KISS1: variants seen among roughly 807,000 people sequenced by gnomAD.
KISS1 encodes the protein metastasis-suppressor KiSS-1.
For missense variants in KISS1, 182 were observed against 182.7 expected (o/e 1.00, Z 0.02); for synonymous variants, 97 against 88.7 (o/e 1.09, Z -0.52).
rs1658717266 is a variant in KISS1, at chr1:204,190,626, C to T, written c.275G>A (p.Arg92His). The change falls in exon 3 of 3, where the codon CGC (arginine) becomes CAC (histidine). Residue 92 changes from arginine to histidine, a missense_variant. By Grantham distance (29) the Arg-to-His change is conservative. Coordinates refer to ENST00000367194, the MANE Select transcript of KISS1 (RefSeq NM_002256.4). ...CGCGCCCTGGGGTGCGGGGATCTGGCGGCTGTGGGGGGCGGACAGGCCCGG... is the reference window on the plus strand; with the variant it reads ...CGCGCCCTGGGGTGCGGGGATCTGGTGGCTGTGGGGGGCGGACAGGCCCGG... ...QQPGLSAPHS[R>H]QIPAPQGAVL... The T allele has an allele frequency of 1.3e-6, 2 of 1,585,692 alleles. No homozygotes were observed. The highest frequency in any genetic ancestry group is 2.7e-5 in the African/African-American group (2 of 74,446).
chr1:204,195,467 A>ACCACACACAC (rs1658839843), intron 1 of KISS1, among the ~76,000 whole-genome samples: 1 of 148,786 alleles, frequency 6.7e-6, no homozygotes. Context: ...ACACACACAC[A>ACCACACACAC]TACACACATC....
chr1:204,194,220 AC>A (rs1658797245), intron 1 of KISS1, among the ~76,000 whole-genome samples: 3 of 152,054 alleles, frequency 2.0e-5, no homozygotes, highest in Admixed American at 2.0e-4. Flanking sequence ...TGAGCAAGTC[AC>A]CCCCATCTCC....
intron 1 of KISS1, 38 bp downstream of exon 1, chr1:204,196,338 G>A (rs1658857436): frequency 6.6e-6 from 1 of 152,408 alleles, no homozygotes; most frequent in Non-Finnish European, 1.5e-5. Flanking sequence ...GGTCAGGGCA[G>A]ACCCCCTTCC....
rs758721519 is a variant in KISS1 at position 204,190,700 on chromosome 1, C to G, written c.201G>C (p.Arg67=). 8 of 1,603,168 alleles carry G rather than the reference C, an allele frequency of 5.0e-6. No homozygotes were observed. The highest frequency in any genetic ancestry group is 4.3e-6 in the Non-Finnish European group (5 of 1,176,056). ...CGGGGGGCGGGGACAGCGAGGTCCC[C>G]CGACGGCTCAGCCTGGCAGTAGCAG... The part of the protein sequence containing the change: ...KPAATARLSR[R]GTSLSPPPES... Residue 67 remains arginine (R), a synonymous_variant, in exon 3 of 3, where the codon CGG becomes CGC. Coordinates refer to ENST00000367194, the MANE Select transcript of KISS1 (RefSeq NM_002256.4).
intron 1 of KISS1, 134 bp from the exon 2 acceptor site, chr1:204,193,048 G>A (rs1658774684): frequency 3.0e-6 from 2 of 674,714 alleles, no homozygotes; most frequent in South Asian, 3.1e-5. Context: ...TCCTGGTAGA[G>A]GGATGAGTCT....
At chr1:204,193,385 C>T (rs1328191261) in intron 1 of KISS1, among the ~76,000 whole-genome samples, 3 of 152,100 alleles carry the variant, frequency 2.0e-5, no homozygotes, top group African/African-American at 7.2e-5. Flanking sequence ...AATATTCTCT[C>T]GGGAGCCTGG....
In KISS1 at chr1:204,190,632, T is replaced by TG. The variant is rs769727780; in HGVS notation, c.268dup (p.His90ProfsTer77). On this transcript the variant is annotated frameshift_variant, in exon 3 of 3. Coordinates refer to ENST00000367194, the MANE Select transcript of KISS1 (RefSeq NM_002256.4). LOFTEE classifies it low-confidence loss of function (END_TRUNC). ...CTGGGGTGCGGGGATCTGGCGGCTG[T>TG]GGGGGGCGGACAGGCCCGGCTGCTG... 3 of 1,584,242 alleles carry TG rather than the reference T, an allele frequency of 1.9e-6. No individual in the cohort carries two copies. The highest frequency in any genetic ancestry group is 1.8e-5 in the Admixed American group (1 of 55,746).
At chr1:204,195,200 CACACATATATACGCACACACCCAT>C (rs200104493) in intron 1 of KISS1, among the ~76,000 whole-genome samples, 22 of 67,080 alleles carry the variant, frequency 3.3e-4, no homozygotes, top group Non-Finnish European at 4.3e-4. Context: ...ACACACACCA[CACACATATATACGCACACACCCAT>C]ACACATATAC....
intron 2 of KISS1, among the ~76,000 whole-genome samples, chr1:204,191,092 AAAGT>A (rs973276935): frequency 2.0e-5 from 3 of 152,172 alleles, no homozygotes; most frequent in African/African-American, 7.2e-5. Flanking sequence ...AAAGAAAACC[AAAGT>A]ATTTGCTGAA....
rs1389270539 is a variant in KISS1 at position 204,192,984 on chromosome 1, C to T, written c.-38-70G>A. ...TGGGCTGGGTGCTGAGGGCAGAGCC[C>T]AGTGCAAAAGGGACAGTCCTCCAAG... On this transcript the variant is annotated intron_variant, in intron 1 of 2. Coordinates refer to ENST00000367194, the MANE Select transcript of KISS1 (RefSeq NM_002256.4). This position sits in a 1 kb window ranked among gnomAD's most constrained non-coding sequence, Gnocchi z 4.2. The T allele has an allele frequency of 2.5e-6, 2 of 796,604 alleles. No individual in the cohort carries two copies. The highest frequency in any genetic ancestry group is 4.0e-5 in the Admixed American group (2 of 49,850). The allele number at this position is 796,604 out of a possible 1,614,324, so 49.3% of individuals were successfully genotyped here.
chr1:204,195,313 T>TCATACACAC (rs1558254800), intron 1 of KISS1, among the ~76,000 whole-genome samples: 1 of 3,746 alleles, frequency 2.7e-4, no homozygotes, highest in Admixed American at 2.6e-3. Context: ...TACACACACA[T>TCATACACAC]ACACATATGC....
At chr1:204,196,075 G>A (rs950209880) in intron 1 of KISS1, among the ~76,000 whole-genome samples, 24 of 152,236 alleles carry the variant, frequency 1.6e-4, no homozygotes, top group African/African-American at 5.1e-4. Context: ...AAGCGTGTCT[G>A]TGGTCTCTAA....
chr1:204,190,482 C>T lies in KISS1; in HGVS notation c.*2G>A, dbSNP rs1658713354. 9.4e-6 allele frequency: 15 copies of T among 1,593,752 alleles called. No homozygotes were observed. Among genetic ancestry groups the T allele is most frequent in the Non-Finnish European group, 1.2e-5 (14 of 1,172,654 alleles). ...GAAGTTCACTGCCCCGCACCTGCGC[C>T]CTCAGCCCCGCCCAGCGCTTCTGCC... On this transcript the variant is annotated 3_prime_UTR_variant, in exon 3 of 3. Transcript: ENST00000367194.
intron 1 of KISS1, among the ~76,000 whole-genome samples, chr1:204,195,183 C>CACAT (rs1658815528): frequency 5.9e-5 from 1 of 16,958 alleles, no homozygotes; most frequent in Non-Finnish European, 1.5e-4. Context: ...ACACACCACA[C>CACAT]ATGCACACAC....
chr1:204,190,926 C>A (rs1157321004), intron 2 of KISS1, 129 bp from the exon 3 acceptor site: 4 of 718,250 alleles, frequency 5.6e-6, no homozygotes, highest in African/African-American at 5.4e-5. Context: ...CAGTGCCATG[C>A]GAACCAGCAC....
chr1:204,196,217 G>A (rs778966435), intron 1 of KISS1, among the ~76,000 whole-genome samples, 159 bp downstream of exon 1: 12 of 152,214 alleles, frequency 7.9e-5, no homozygotes, highest in Non-Finnish European at 1.0e-4. Context: ...AGGATAATCT[G>A]GCCAGGCTGG....
chr1:204,195,222 CATA>C (rs1658819574), intron 1 of KISS1, among the ~76,000 whole-genome samples: 1 of 7,982 alleles, frequency 1.3e-4, no homozygotes, highest in Non-Finnish European at 3.3e-4. Flanking sequence ...CGCACACACC[CATA>C]CACATATACA....
rs975385021 is a variant in KISS1, at chr1:204,192,596, CATCCGTCA to C, written c.103+170_103+177del. On this transcript the variant is annotated intron_variant, in intron 2 of 2. Coordinates refer to ENST00000367194, the MANE Select transcript of KISS1 (RefSeq NM_002256.4). This position sits in a 1 kb window ranked among gnomAD's most constrained non-coding sequence, Gnocchi z 4.2. ...GACTGAGGCCATCACAGAGGCAAGG[CATCCGTCA>C]CTTGCAGGGTTAACAGGACCCCCTC... is the stretch of plus-strand genomic sequence containing the variant. Among the ~76,000 whole-genome samples, 5 of 152,278 alleles carry C rather than the reference CATCCGTCA, an allele frequency of 3.3e-5. No homozygotes were observed. The highest frequency in any genetic ancestry group is 1.2e-4 in the African/African-American group (5 of 41,558).
chr1:204,193,597 G>T (rs1276205046), intron 1 of KISS1, among the ~76,000 whole-genome samples: 1 of 152,036 alleles, frequency 6.6e-6, no homozygotes, highest in African/African-American at 2.4e-5. Context: ...CCTTGAAGAC[G>T]GTCATTAAAT....
Sources: allele counts gnomAD v4.1 joint callset (sites outside exome capture counted in the v4.1 genomes callset), GRCh38; gene constraint gnomAD v4.1.1; non-coding constraint Gnocchi (gnomAD v3.1); transcripts MANE v1.5; gene names NCBI Gene and HGNC (gene_info 2026-07-23, HGNC 2026-07-21).